Variants in POT1 observed in about 807,000 individuals in gnomAD.
POT1 encodes protection of telomeres 1, also known as protection of telomeres protein 1.
A neutral mutation model predicts 78.5 loss-of-function variants in POT1; 47 were observed. That is an observed-to-expected ratio of 0.60 (90% CI 0.47 to 0.76). The LOEUF is 0.76. Among genes scored for constraint, POT1 ranks in the 30% least tolerant of loss-of-function variants. POT1 has a pLI of 0.00. For synonymous variants in POT1, 259 were observed against 260.7 expected (o/e 0.99, Z 0.06); for missense variants, 646 against 749.9 (o/e 0.86, Z 1.62).
At chr7:124,924,277 CAG>C (rs1188965145) in intron 2 of POT1, among the ~76,000 whole-genome samples, 3 of 151,068 alleles carry the variant, frequency 2.0e-5, no homozygotes, top group Non-Finnish European at 4.4e-5. Flanking sequence ...CAAATAAAAT[CAG>C]AGAGGAAAAA....
At chr7:124,863,201 G>C in intron 8 of POT1, 149 bp downstream of exon 8, 1 of 704,532 alleles carries the variant, frequency 1.4e-6, no homozygotes, top group Non-Finnish European at 2.3e-6. Context: ...AGAGCTGCAT[G>C]AATATTGAGG....
intron 15 of POT1, among the ~76,000 whole-genome samples, chr7:124,830,397 A>C (rs1202268855): frequency 6.6e-6 from 1 of 152,160 alleles, no homozygotes; most frequent in African/African-American, 2.4e-5. Context: ...ACTTTGAGGA[A>C]AACAAGAGGG....
chr7:124,871,983 C>T (rs1476252042), intron 6 of POT1, among the ~76,000 whole-genome samples: 1 of 152,110 alleles, frequency 6.6e-6, no homozygotes, highest in Non-Finnish European at 1.5e-5. Context: ...TTCTTCCTAA[C>T]TGAAATATTG....
chr7:124,835,969 G>A (rs1584753813), intron 14 of POT1, among the ~76,000 whole-genome samples: 1 of 152,082 alleles, frequency 6.6e-6, no homozygotes, highest in African/African-American at 2.4e-5. Context: ...ATTGTCCAAT[G>A]GCATCCATTA....
rs1584757207 is a variant in POT1 at position 124,841,057 on chromosome 7, G to T, written c.1285C>A (p.Gln429Lys). The change falls in exon 14 of 19, where the codon CAA becomes AAA. Residue 429 changes from glutamine to lysine, a missense_variant. Gln to Lys is a moderately conservative substitution (Grantham distance 53, BLOSUM62 1). This residue lies in a region of POT1 where 394 missense variants were observed against 408.4 expected (regional missense o/e 0.96). Coordinates refer to ENST00000357628, the MANE Select transcript of POT1 (RefSeq NM_015450.3). The part of the protein sequence containing the change: ...YDSKIWTTKN[Q>K]KGRKVAVHFV... Reference sequence around the variant, plus strand: ...TGAACTGCTACTTTTCGTCCTTTTTGATTTTTAGTGGTCCAGATTTTTGAA... The same window carrying T: ...TGAACTGCTACTTTTCGTCCTTTTTTATTTTTAGTGGTCCAGATTTTTGAA... 6.2e-7 allele frequency: 1 copy of T among 1,612,420 alleles called. No homozygotes were observed. The highest frequency in any genetic ancestry group is 8.5e-7 in the Non-Finnish European group (1 of 1,178,954).
chr7:124,894,424 T>A (rs1796444051), intron 5 of POT1, among the ~76,000 whole-genome samples: 1 of 151,584 alleles, frequency 6.6e-6, no homozygotes, highest in South Asian at 2.1e-4. Context: ...TCAATGACAC[T>A]AACCATTATA....
At chr7:124,875,331 A>G (rs1246658210) in intron 6 of POT1, among the ~76,000 whole-genome samples, 1 of 152,158 alleles carries the variant, frequency 6.6e-6, no homozygotes, top group Non-Finnish European at 1.5e-5. Context: ...GTACACTTAA[A>G]AAGACTAATT....
chr7:124,850,903 T>C (rs1178966059), intron 11 of POT1, among the ~76,000 whole-genome samples: 5 of 128,474 alleles, frequency 3.9e-5, no homozygotes, highest in Admixed American at 3.2e-4. Flanking sequence ...AGGAGTTAGG[T>C]AGAAAAAAAA....
chr7:124,908,143 A>T (rs1474660664), intron 3 of POT1, among the ~76,000 whole-genome samples: 2 of 152,072 alleles, frequency 1.3e-5, no homozygotes, highest in African/African-American at 4.8e-5. Context: ...CAAGCATTAA[A>T]TAATTTTCCT....
At chr7:124,926,059 G>A (rs138165668) in intron 2 of POT1, among the ~76,000 whole-genome samples, 280 of 152,256 alleles carry the variant, frequency 1.8e-3, no homozygotes, top group Non-Finnish European at 3.1e-3. Context: ...AACAATTCAT[G>A]ACTAAGACCT....
At chr7:124,884,616 GA>G (rs1208236716) in intron 6 of POT1, among the ~76,000 whole-genome samples, 18 of 94,744 alleles carry the variant, frequency 1.9e-4, no homozygotes, top group African/African-American at 7.7e-4. Flanking sequence ...GCAAATAAAA[GA>G]AAGAAGGACT....
At chr7:124,848,567 A>T in intron 11 of POT1, 1 of 169,140 alleles carries the variant, frequency 5.9e-6, no homozygotes, top group Non-Finnish European at 1.3e-5. Context: ...TGGGAGGCTG[A>T]GGCAGGAGAA....
chr7:124,848,951 T>C (rs954308611), intron 11 of POT1, among the ~76,000 whole-genome samples: 3 of 152,154 alleles, frequency 2.0e-5, no homozygotes, highest in African/African-American at 7.2e-5. Flanking sequence ...GTAGTAGTCA[T>C]AGCATTAAGG....
intron 2 of POT1, among the ~76,000 whole-genome samples, chr7:124,928,019 A>AT (rs1477353449): frequency 6.6e-6 from 1 of 152,202 alleles, no homozygotes; most frequent in Non-Finnish European, 1.5e-5. Context: ...AGTGTCTTTA[A>AT]TAACAGTACC....
intron 3 of POT1, among the ~76,000 whole-genome samples, chr7:124,913,464 A>C (rs1249267714): frequency 1.3e-5 from 2 of 152,136 alleles, no homozygotes; most frequent in African/African-American, 4.8e-5. Flanking sequence ...TTGATGCATA[A>C]AATTTTTACA....
At chr7:124,835,024 A>G (rs1479550862) in intron 15 of POT1, among the ~76,000 whole-genome samples, 1 of 152,130 alleles carries the variant, frequency 6.6e-6, no homozygotes, top group Non-Finnish European at 1.5e-5. Context: ...GTTCTCACTC[A>G]TAAGTGGGAG....
At chr7:124,859,929 C>T (rs1027519391) in intron 8 of POT1, among the ~76,000 whole-genome samples, 4 of 150,720 alleles carry the variant, frequency 2.7e-5, no homozygotes, top group South Asian at 2.1e-4. Flanking sequence ...TTAATGCAAA[C>T]GATTGGTATA....
At chr7:124,856,253 C>T (rs183706784) in intron 9 of POT1, among the ~76,000 whole-genome samples, 76 of 152,160 alleles carry the variant, frequency 5.0e-4, no homozygotes, top group Non-Finnish European at 9.3e-4. Context: ...ATCAATGTCA[C>T]GTGAGTGAAG....
chr7:124,885,310 A>G (rs1454572098), intron 6 of POT1, among the ~76,000 whole-genome samples: 1 of 151,452 alleles, frequency 6.6e-6, no homozygotes, highest in Non-Finnish European at 1.5e-5. Flanking sequence ...AAAAAAAAAA[A>G]AAAAGTTTTT....
Sources: gnomAD v4.1 joint callset for allele counts (sites outside exome capture counted in the v4.1 genomes callset) on GRCh38, gnomAD v4.1.1 for gene constraint, gnomAD v4.1.1 regional missense constraint, MANE v1.5 for transcripts, NCBI Gene and HGNC (gene_info 2026-07-23, HGNC 2026-07-21) for gene names.